CEMIP2: variants seen among roughly 807,000 people sequenced by gnomAD.
CEMIP2 encodes the protein cell surface hyaluronidase CEMIP2.
A neutral mutation model predicts 146.9 loss-of-function variants in CEMIP2; 79 were observed. That is an observed-to-expected ratio of 0.54 (90% CI 0.45 to 0.65). The LOEUF (loss-of-function observed/expected upper bound fraction) is 0.65, where lower values mean the gene tolerates loss of function less well. Among genes scored for constraint, CEMIP2 ranks in the 30% least tolerant of loss-of-function variants. The probability of loss-of-function intolerance (pLI) is 0.00; values close to 1 mark genes in which losing one functional copy is unlikely to be tolerated. For missense variants in CEMIP2, 1,596 were observed against 1,696.2 expected, an observed-to-expected ratio of 0.94 and a Z score of 1.04; for synonymous variants, 601 against 606.3, an observed-to-expected ratio of 0.99 and a Z score of 0.13.
intron 10 of CEMIP2, among the ~76,000 whole-genome samples, chr9:71,728,044 G>A (rs1183153184): frequency 1.3e-5 from 2 of 151,304 alleles, no homozygotes; most frequent in African/African-American, 4.9e-5. Flanking sequence ...CTGGGGGACA[G>A]AGCGAGACTT....
rs143897835 is a variant in CEMIP2, at chr9:71,708,870, A to C, written c.2985+389T>G. Among the ~76,000 whole-genome samples the C allele has an allele frequency of 4.3e-3, 653 of 152,322 alleles. 4 individuals are homozygous for C. The highest frequency in any genetic ancestry group is 0.015 in the African/African-American group (605 of 41,570). On this transcript the variant is annotated intron_variant, in intron 17 of 23. Transcript: ENST00000377044. ...AAAGTCAGATTCTTTCATTAAGTAG[A>C]GATTACTGACCCCAAAAGCAAAGGA...
chr9:71,685,298 G>C lies in CEMIP2; in HGVS notation c.4051C>G (p.Gln1351Glu), dbSNP rs146797147. The C allele has an allele frequency of 6.8e-6, 11 of 1,608,022 alleles. No homozygotes were observed. The highest frequency in any genetic ancestry group is 8.5e-6 in the Non-Finnish European group (10 of 1,179,392). The change falls in exon 24 of 24, where the codon CAA (glutamine) becomes GAA (glutamate). Residue 1351 changes from glutamine (Q) to glutamate (E), a missense_variant. Gln to Glu is a conservative substitution (Grantham distance 29). Transcript: ENST00000377044. Reference sequence around the variant, plus strand: ...TCGTCCAGCTGCAAAGGTATGAATTGTTCAAGCACCCCAAGGCCCTGTCCA... The same window carrying C: ...TCGTCCAGCTGCAAAGGTATGAATTCTTCAAGCACCCCAAGGCCCTGTCCA... ...PAGQGLGVLE[Q>E]FIPLQLDEYG...
chr9:71,712,334 A>C, intron 15 of CEMIP2, 74 bp from the exon 16 acceptor site: 1 of 1,448,262 alleles, frequency 6.9e-7, no homozygotes, highest in Non-Finnish European at 9.5e-7. Flanking sequence ...TTGTTTTATG[A>C]AGACAGCTAA....
chr9:71,702,284 T>G (rs974227099), intron 18 of CEMIP2, among the ~76,000 whole-genome samples: 1 of 132,158 alleles, frequency 7.6e-6, no homozygotes, highest in Non-Finnish European at 1.7e-5. Context: ...AAAAAAATAT[T>G]GTTCACCTAG....
chr9:71,756,213 A>G (rs1410695358), intron 1 of CEMIP2, among the ~76,000 whole-genome samples: 2 of 142,546 alleles, frequency 1.4e-5, no homozygotes, highest in African/African-American at 5.1e-5. Context: ...ATAGATAGAT[A>G]GGCTATATAT....
intron 21 of CEMIP2, among the ~76,000 whole-genome samples, chr9:71,691,799 T>G (rs1412316093): frequency 6.6e-6 from 1 of 151,742 alleles, no homozygotes; most frequent in Non-Finnish European, 1.5e-5. Flanking sequence ...AGCAAGACAC[T>G]GTCTTAAAAA....
Position 71,709,265 on chromosome 9 carries a change from A to G in CEMIP2, c.2979T>C (p.Tyr993=), listed in dbSNP as rs1822837200. 8 of 1,614,212 alleles carry G rather than the reference A, an allele frequency of 5.0e-6. No individual in the cohort carries two copies. The highest frequency in any genetic ancestry group is 4.5e-5 in the East Asian group (2 of 44,882). ...KWNAVICSGT[Y]AQVYVQTWST... is the part of the protein sequence containing the mutation. Reference sequence around the variant, plus strand: ...ATACATTTGCTAAGCCTACCTGTGCATAGGTCCCACTGCAGATCACTGCAT... The same window carrying G: ...ATACATTTGCTAAGCCTACCTGTGCGTAGGTCCCACTGCAGATCACTGCAT... Residue 993 remains tyrosine (Y), a synonymous_variant, in exon 17 of 24, where the codon TAT becomes TAC. Coordinates refer to ENST00000377044, the MANE Select transcript of CEMIP2 (RefSeq NM_013390.3).
chr9:71,743,561 C>A (rs1250538261), intron 4 of CEMIP2, among the ~76,000 whole-genome samples: 5 of 152,128 alleles, frequency 3.3e-5, no homozygotes, highest in Non-Finnish European at 7.3e-5. Context: ...CTTTGGGGAG[C>A]CTGTACTGAT....
At chr9:71,757,258 A>T (rs1411246786) in intron 1 of CEMIP2, among the ~76,000 whole-genome samples, 1 of 152,208 alleles carries the variant, frequency 6.6e-6, no homozygotes, top group East Asian at 1.9e-4. Context: ...AGCTCTCTCA[A>T]ATCACGCCTA....
intron 22 of CEMIP2, 131 bp downstream of exon 22, chr9:71,689,961 G>C: frequency 1.8e-6 from 2 of 1,111,550 alleles, no homozygotes; most frequent in Non-Finnish European, 2.6e-6. Context: ...AGGTAGGAGA[G>C]GAATGAACAC....
In CEMIP2 at chr9:71,712,156, A is replaced by G. The variant is rs148743226; in HGVS notation, c.2696T>C (p.Ile899Thr). The change falls in exon 16 of 24, where the codon ATT (isoleucine) becomes ACT (threonine). Residue 899 changes from isoleucine to threonine, a missense_variant. Physicochemically the swap from Ile to Thr is moderately conservative, Grantham distance 89. Coordinates refer to ENST00000377044, the MANE Select transcript of CEMIP2 (RefSeq NM_013390.3). ...CCAGGAATTCTTCATGAGGAAGCCA[A>G]TTGCACTGCTGTACCTATCTGGAGT... ...VPTPDRYSSA[I>T]GFLMKNSWQI... The G allele has an allele frequency of 6.2e-6, 10 of 1,614,048 alleles. No individual in the cohort carries two copies. Among genetic ancestry groups the G allele is most frequent in the African/African-American group, 1.3e-5 (1 of 74,928 alleles).
intron 21 of CEMIP2, among the ~76,000 whole-genome samples, chr9:71,691,526 T>C (rs13296053): frequency 0.23 from 35,561 of 151,736 alleles, 4,956 homozygotes; most frequent in African/African-American, 0.38. Context: ...AAAGACTAGA[T>C]ATGATTTCCT....
chr9:71,728,281 GTATATATA>G (rs1228923367), intron 10 of CEMIP2, among the ~76,000 whole-genome samples: 1 of 9,250 alleles, frequency 1.1e-4, no homozygotes, highest in African/African-American at 4.8e-4. Context: ...ATATATATAT[GTATATATA>G]TATATATATA....
At chr9:71,732,268 T>G in intron 7 of CEMIP2, 83 bp downstream of exon 7, 1 of 1,394,130 alleles carries the variant, frequency 7.2e-7, no homozygotes, top group Non-Finnish European at 9.7e-7. Flanking sequence ...TCCATTTATA[T>G]CTTGTTCCAA....
At chr9:71,703,931 G>T (rs1273925487) in intron 18 of CEMIP2, among the ~76,000 whole-genome samples, 1 of 152,088 alleles carries the variant, frequency 6.6e-6, no homozygotes, top group Non-Finnish European at 1.5e-5. Flanking sequence ...AAATAGCTTT[G>T]GTTTATCTAT....
In CEMIP2 at chr9:71,730,847, A is replaced by G. The variant is rs764844671; in HGVS notation, c.1631T>C (p.Met544Thr). 3.1e-6 allele frequency: 5 copies of G among 1,614,194 alleles called. No individual in the cohort carries two copies. Among genetic ancestry groups the G allele is most frequent in the Non-Finnish European group, 4.2e-6 (5 of 1,180,018 alleles). The change falls in exon 8 of 24, where the codon ATG (methionine) becomes ACG (threonine). Residue 544 changes from methionine (M) to threonine (T), a missense_variant. By Grantham distance (81) the Met-to-Thr change is moderately conservative. Transcript: ENST00000377044. ...VELKHMGQQQ[M>T]GRYPVHFHLC... is the part of the protein sequence containing the mutation. ...GTGAAAATGAACAGGGTATCGCCCC[A>G]TCTGCTGCTGACCCATGTGTTTCAA...
At chr9:71,730,957 T>C in intron 7 of CEMIP2, 43 bp from the exon 8 acceptor site, 1 of 1,501,794 alleles carries the variant, frequency 6.7e-7, no homozygotes, top group Non-Finnish European at 9.3e-7. Flanking sequence ...CTTTTCAGAA[T>C]AGGGAAGTAG....
chr9:71,731,653 T>A (rs1053289965), intron 7 of CEMIP2, among the ~76,000 whole-genome samples: 1 of 150,842 alleles, frequency 6.6e-6, no homozygotes, highest in Non-Finnish European at 1.5e-5. Context: ...GATCACTTGA[T>A]CCCAGGATAT....
At chr9:71,733,154 A>G (rs1283108882) in intron 6 of CEMIP2, among the ~76,000 whole-genome samples, 1 of 152,220 alleles carries the variant, frequency 6.6e-6, no homozygotes, top group Non-Finnish European at 1.5e-5. Context: ...TGAAAGCTGA[A>G]GTAATCTGCA....
Sources: allele counts gnomAD v4.1 joint callset (sites outside exome capture counted in the v4.1 genomes callset), GRCh38; gene constraint gnomAD v4.1.1; transcripts MANE v1.5; gene names NCBI Gene and HGNC (gene_info 2026-07-23, HGNC 2026-07-21).